NRXN1: variants seen among roughly 807,000 people sequenced by gnomAD.
The protein encoded by NRXN1 is neurexin 1, also known as neurexin-1.
NRXN1 carries 39 observed loss-of-function variants against 150.9 expected under a neutral mutation model. The observed-to-expected ratio is 0.26, with a 90% CI of 0.20 to 0.34. The LOEUF is 0.34. NRXN1 is among the 10% of genes least tolerant of loss of function. The probability of loss-of-function intolerance (pLI) is 1.00; values close to 1 mark genes in which losing one functional copy is unlikely to be tolerated. For synonymous variants in NRXN1, 924 were observed against 757.0 expected (o/e 1.22, Z -3.62); for missense variants, 1,815 against 1,949.9 (o/e 0.93, Z 1.30).
At chr2:50,248,032 G>C (rs772515321) in intron 17 of NRXN1, among the ~76,000 whole-genome samples, 1 of 151,836 alleles carries the variant, frequency 6.6e-6, no homozygotes, top group African/African-American at 2.4e-5. Context: ...TTTTTATTGA[G>C]ACAGAGTCTC....
chr2:50,139,458 A>C (rs1318935868), intron 18 of NRXN1, among the ~76,000 whole-genome samples: 1 of 152,238 alleles, frequency 6.6e-6, no homozygotes, highest in South Asian at 2.1e-4. Flanking sequence ...AAGGACATTA[A>C]GTAGACAGAT....
intron 18 of NRXN1, among the ~76,000 whole-genome samples, chr2:50,129,410 TA>T (rs1314425123): frequency 6.6e-6 from 1 of 152,218 alleles, no homozygotes; most frequent in Non-Finnish European, 1.5e-5. Context: ...GAAATATGTT[TA>T]AAAGCATAGT....
In NRXN1 at chr2:50,346,529, A is replaced by G. The variant is rs906331860; in HGVS notation, c.3365-109559T>C. Reference sequence around the variant, plus strand: ...CGACGCCTTCCCCCATCCCCTTTCTATTGTCTTCAAAGAGATAAGTGGCTC... The same window carrying G: ...CGACGCCTTCCCCCATCCCCTTTCTGTTGTCTTCAAAGAGATAAGTGGCTC... On this transcript the variant is annotated intron_variant, in intron 17 of 22. Coordinates refer to ENST00000401669, the MANE Select transcript of NRXN1 (RefSeq NM_001330078.2). The surrounding 1 kb of genome is among the most constrained non-coding windows in gnomAD (Gnocchi z 5.0). Among the ~76,000 whole-genome samples, 4 of 149,906 alleles carry G rather than the reference A, an allele frequency of 2.7e-5. No homozygotes were observed. Among genetic ancestry groups the G allele is most frequent in the Non-Finnish European group, 5.9e-5 (4 of 67,622 alleles).
chr2:50,954,158 T>C (rs906986744), intron 2 of NRXN1, among the ~76,000 whole-genome samples: 2 of 152,176 alleles, frequency 1.3e-5, no homozygotes, highest in Non-Finnish European at 1.5e-5. Context: ...CATATAGGAA[T>C]TATATATATC....
At chr2:50,521,907 C>T (rs999754577) in intron 12 of NRXN1, among the ~76,000 whole-genome samples, 2 of 152,034 alleles carry the variant, frequency 1.3e-5, no homozygotes, top group African/African-American at 4.8e-5. Flanking sequence ...TATGGGGCGA[C>T]CTGAACTGAA....
chr2:50,938,028 G>A (rs115946041), intron 2 of NRXN1, among the ~76,000 whole-genome samples: 5 of 152,128 alleles, frequency 3.3e-5, no homozygotes, highest in African/African-American at 1.2e-4. Flanking sequence ...TACAAGGTAG[G>A]TATTTGTGCA....
chr2:50,119,892 C>T (rs912804832), intron 18 of NRXN1, among the ~76,000 whole-genome samples: 2 of 152,070 alleles, frequency 1.3e-5, no homozygotes, highest in South Asian at 2.1e-4. Context: ...AAAGCATTCC[C>T]ATAAGTATTG....
At chr2:50,120,538 A>G (rs897997186) in intron 18 of NRXN1, among the ~76,000 whole-genome samples, 2 of 152,214 alleles carry the variant, frequency 1.3e-5, no homozygotes, top group Admixed American at 1.3e-4. Context: ...TGTGCTATGC[A>G]ATGGAGACGC....
intron 17 of NRXN1, among the ~76,000 whole-genome samples, chr2:50,272,949 A>C (rs1461391142): frequency 6.6e-6 from 1 of 152,130 alleles, no homozygotes; most frequent in Non-Finnish European, 1.5e-5. Context: ...AAACCCAAAA[A>C]TTCAATTAAA....
intron 18 of NRXN1, among the ~76,000 whole-genome samples, chr2:50,236,577 C>CAA (rs35377914): frequency 2.6e-4 from 31 of 118,934 alleles, no homozygotes; most frequent in African/African-American, 8.4e-4. Context: ...ATTCACACTC[C>CAA]AAAAAAAAAA....
chr2:50,829,585 C>T lies in NRXN1; in HGVS notation c.832+92284G>A, dbSNP rs1434220994. ...TTAAACTGAAGGTCCATGTAGCCATCGTCTGTGCTGGAGAGCCTTGAATAT... is the reference window on the plus strand; with the variant it reads ...TTAAACTGAAGGTCCATGTAGCCATTGTCTGTGCTGGAGAGCCTTGAATAT... On this transcript the variant is annotated intron_variant, in intron 5 of 22. Coordinates refer to ENST00000401669, the MANE Select transcript of NRXN1 (RefSeq NM_001330078.2). The T allele has an allele frequency of 5.0e-6, 8 of 1,611,860 alleles. No individual in the cohort carries two copies. In the African/African-American group the frequency reaches 8.0e-5, roughly 16 times the overall value.
chr2:50,343,863 G>A (rs2077731638), intron 17 of NRXN1, among the ~76,000 whole-genome samples: 1 of 152,168 alleles, frequency 6.6e-6, no homozygotes, highest in African/African-American at 2.4e-5. Flanking sequence ...GAAAGAAAAT[G>A]TCTTACGATT....
At chr2:50,977,368 ATAT>A (rs1223488925) in intron 2 of NRXN1, among the ~76,000 whole-genome samples, 4 of 150,246 alleles carry the variant, frequency 2.7e-5, no homozygotes, top group Non-Finnish European at 5.9e-5. Flanking sequence ...GTGATACATA[ATAT>A]TATATACATA....
rs558446433 is a variant in NRXN1, at chr2:50,888,337, GA to G, written c.832+33531del. On this transcript the variant is annotated intron_variant, in intron 5 of 22. Transcript: ENST00000401669. ...CCATGAGATTTAATTGGAGGCAGGT[GA>G]AATTCAGAATTTCTTCCAACTGATT... 2.6e-4 allele frequency among the ~76,000 whole-genome samples: 39 copies of G among 151,758 alleles called. 1 individual carries two copies. The South Asian group carries it at 8.1e-3, about 31-fold the overall frequency.
Position 50,490,726 on chromosome 2 carries a change from G to T in NRXN1, c.3070+5179C>A, listed in dbSNP as rs188352107. 2.6e-5 allele frequency among the ~76,000 whole-genome samples: 4 copies of T among 152,232 alleles called. No homozygotes were observed. In the East Asian group the frequency reaches 7.7e-4, roughly 29 times the overall value. On this transcript the variant is annotated intron_variant, in intron 15 of 22. Coordinates refer to ENST00000401669, the MANE Select transcript of NRXN1 (RefSeq NM_001330078.2). ...CGAGGGTGGCTGCACTGCTGTCACG[G>T]TGGGGCAATGGATTAGGGAGCAGTG...
chr2:50,675,980 T>C (rs1286391567), intron 5 of NRXN1, among the ~76,000 whole-genome samples: 6 of 152,094 alleles, frequency 3.9e-5, no homozygotes, highest in Non-Finnish European at 1.5e-5. Flanking sequence ...TCAAGTCCTG[T>C]TGCAATTTGA....
At chr2:50,289,224 TA>T (rs1461319060) in intron 17 of NRXN1, among the ~76,000 whole-genome samples, 1 of 152,084 alleles carries the variant, frequency 6.6e-6, no homozygotes, top group Non-Finnish European at 1.5e-5. Flanking sequence ...AGGTTAATAT[TA>T]AAAAGACAAG....
At chr2:50,232,717 A>G (rs567013720) in intron 18 of NRXN1, among the ~76,000 whole-genome samples, 1 of 152,022 alleles carries the variant, frequency 6.6e-6, no homozygotes, top group Non-Finnish European at 1.5e-5. Flanking sequence ...ATTATTATAA[A>G]TCATGTTCTC....
rs796974992 is a variant in NRXN1 at position 50,190,603 on chromosome 2, CT to C, written c.3546+46185del. ...CAAGCCCCATTATCACACCTTCTAACTTTTTTTTTCTTTTTTTTTTTTTTTT... is the reference window on the plus strand; with the variant it reads ...CAAGCCCCATTATCACACCTTCTAACTTTTTTTTCTTTTTTTTTTTTTTTT... On this transcript the variant is annotated intron_variant, in intron 18 of 22. Transcript: ENST00000401669. 9.3e-3 allele frequency among the ~76,000 whole-genome samples: 1,137 copies of C among 122,576 alleles called. 17 individuals are homozygous for C. Among genetic ancestry groups the C allele is most frequent in the African/African-American group, 0.03 (1,044 of 34,870 alleles). The allele number at this position is 122,576 out of a possible 152,430, so 80.4% of individuals were successfully genotyped here. A position where few individuals can be genotyped will look rare whatever the true frequency, so the allele number is the denominator to read the frequency against.
Sources: allele counts gnomAD v4.1 joint callset (sites outside exome capture counted in the v4.1 genomes callset), GRCh38; gene constraint gnomAD v4.1.1; non-coding constraint Gnocchi (gnomAD v3.1); transcripts MANE v1.5; gene names NCBI Gene and HGNC (gene_info 2026-07-23, HGNC 2026-07-21).